GTF2IRD1: variants seen among roughly 807,000 people sequenced by gnomAD.
The protein encoded by GTF2IRD1 is GTF2I repeat domain containing 1, also known as general transcription factor II-I repeat domain-containing protein 1.
In GTF2IRD1, 26 loss-of-function variants were observed where a neutral mutation model predicts 113.2. That is an observed-to-expected ratio of 0.23 (90% confidence interval 0.17 to 0.32). GTF2IRD1 has a LOEUF of 0.32. GTF2IRD1 is among the 10% of genes least tolerant of loss of function. The pLI is 1.00. For synonymous variants in GTF2IRD1, 484 were observed against 529.1 expected (o/e 0.91, Z 1.17); for missense variants, 864 against 1,280.8 (o/e 0.67, Z 4.97).
chr7:74,565,323 G>A (rs138961432), intron 22 of GTF2IRD1, among the ~76,000 whole-genome samples: 3,689 of 152,094 alleles, frequency 0.024, 64 homozygotes, highest in Non-Finnish European at 0.036. Context: ...TCAGGAGTTC[G>A]AGACCAGCCT....
At chr7:74,461,500 G>A (rs1793359747) in intron 1 of GTF2IRD1, among the ~76,000 whole-genome samples, 1 of 152,182 alleles carries the variant, frequency 6.6e-6, no homozygotes, top group African/African-American at 2.4e-5. Flanking sequence ...CCTTGCAGAG[G>A]CGTCAGGCCT....
At chr7:74,502,456 C>T (rs1796081981) in intron 1 of GTF2IRD1, among the ~76,000 whole-genome samples, 1 of 152,236 alleles carries the variant, frequency 6.6e-6, no homozygotes, top group Non-Finnish European at 1.5e-5. Context: ...CTCTGCTAGC[C>T]TCCTAACTGG....
intron 22 of GTF2IRD1, among the ~76,000 whole-genome samples, chr7:74,566,328 C>G (rs1220997955): frequency 6.6e-6 from 1 of 152,172 alleles, no homozygotes; most frequent in African/African-American, 2.4e-5. Context: ...CCTCACACCA[C>G]AGACACCTAA....
At chr7:74,456,426 G>GGGC (rs1792979071) in intron 1 of GTF2IRD1, among the ~76,000 whole-genome samples, 1 of 152,194 alleles carries the variant, frequency 6.6e-6, no homozygotes, top group East Asian at 1.9e-4. Flanking sequence ...GCTCACGCCT[G>GGGC]TAATCCCAGC....
At chr7:74,597,495 A>C (rs1427177895) in intron 25 of GTF2IRD1, among the ~76,000 whole-genome samples, 1 of 150,756 alleles carries the variant, frequency 6.6e-6, no homozygotes, top group Admixed American at 6.6e-5. Context: ...TCAGGCATGC[A>C]CCACCACACC....
At chr7:74,543,563 GT>G (rs1452440958) in intron 14 of GTF2IRD1, among the ~76,000 whole-genome samples, 3 of 152,128 alleles carry the variant, frequency 2.0e-5, no homozygotes, top group Admixed American at 1.3e-4. Context: ...TGCTTTTTCT[GT>G]TTACACATAT....
intron 2 of GTF2IRD1, among the ~76,000 whole-genome samples, chr7:74,508,670 G>T (rs372342247): frequency 1.2e-4 from 17 of 145,916 alleles, no homozygotes; most frequent in East Asian, 9.3e-4. Context: ...CAGCCTGGGT[G>T]ACAGGGCAAG....
intron 1 of GTF2IRD1, among the ~76,000 whole-genome samples, chr7:74,501,661 TC>T (rs1327289061): frequency 2.0e-5 from 3 of 152,144 alleles, no homozygotes; most frequent in African/African-American, 7.2e-5. Flanking sequence ...TTTGGTTTTT[TC>T]TTTTTTCGAA....
intron 1 of GTF2IRD1, among the ~76,000 whole-genome samples, chr7:74,497,638 C>T (rs1022700626): frequency 6.6e-6 from 1 of 152,290 alleles, no homozygotes; most frequent in African/African-American, 2.4e-5. Context: ...ACCAGCAGCA[C>T]ACAGGGTTCC....
Position 74,512,236 on chromosome 7 carries a change from C to G in GTF2IRD1, c.124-594C>G, listed in dbSNP as rs1456016225. On this transcript the variant is annotated intron_variant, in intron 2 of 26. Transcript: ENST00000424337. This position sits in a 1 kb window ranked among gnomAD's most constrained non-coding sequence, Gnocchi z 4.4. The stretch of plus-strand genomic sequence containing the variant: ...GCGTGGTGGCGGGCGCCTGTAGTCC[C>G]AGCTACTCGGGAGGCTGAGGCAGGA... Among the ~76,000 whole-genome samples, 1 of 152,174 alleles carries G rather than the reference C, an allele frequency of 6.6e-6. No individual in the cohort carries two copies. Among genetic ancestry groups the G allele is most frequent in the Non-Finnish European group, 1.5e-5 (1 of 68,036 alleles).
At chr7:74,456,340 A>G (rs1210509768) in intron 1 of GTF2IRD1, among the ~76,000 whole-genome samples, 5 of 152,126 alleles carry the variant, frequency 3.3e-5, no homozygotes, top group Non-Finnish European at 7.3e-5. Context: ...GATGATTCTC[A>G]TTCAGGGTCT....
chr7:74,519,769 C>G, intron 6 of GTF2IRD1, 50 bp downstream of exon 6: 2 of 1,342,356 alleles, frequency 1.5e-6, no homozygotes, highest in Non-Finnish European at 2.1e-6. Context: ...ACAGAGGTCA[C>G]TCATGCAGGG....
At chr7:74,510,497 C>A (rs368039361) in intron 2 of GTF2IRD1, among the ~76,000 whole-genome samples, 1 of 151,012 alleles carries the variant, frequency 6.6e-6, no homozygotes, top group African/African-American at 2.4e-5. Context: ...TTAGTAGAGA[C>A]GGGGTTTCAC....
intron 22 of GTF2IRD1, among the ~76,000 whole-genome samples, chr7:74,584,183 C>T (rs758854721): frequency 6.6e-4 from 100 of 152,034 alleles, no homozygotes; most frequent in Non-Finnish European, 1.2e-3. Context: ...GGCCTGGGTA[C>T]GGTGGCTCAC....
At chr7:74,574,979 A>G (rs1296412219) in intron 22 of GTF2IRD1, among the ~76,000 whole-genome samples, 2 of 152,066 alleles carry the variant, frequency 1.3e-5, no homozygotes, top group Non-Finnish European at 2.9e-5. Flanking sequence ...AATCCCAGCT[A>G]CTTGGGAGGC....
rs61151844 is a variant in GTF2IRD1 at position 74,476,366 on chromosome 7, C to CTTTTTTTTTTTTTTT, written c.-7+22201_-7+22202insTTTTTTTTTTTTTTT. The stretch of plus-strand genomic sequence containing the variant: ...CCCGCTTGGAAGCCTTCTGAACCTC[C>CTTTTTTTTTTTTTTT]TTTTTTTTTTTCTTTTGAGACGGAG... On this transcript the variant is annotated intron_variant, in intron 1 of 26. Coordinates refer to ENST00000424337, the MANE Select transcript of GTF2IRD1 (RefSeq NM_005685.4). Among the ~76,000 whole-genome samples, 21 of 122,160 alleles carry CTTTTTTTTTTTTTTT rather than the reference C, an allele frequency of 1.7e-4. 3 individuals carry two copies. The highest frequency in any genetic ancestry group is 2.1e-4 in the Non-Finnish European group (13 of 62,128). The allele number at this position is 122,160 out of a possible 152,430, so 80.1% of individuals were successfully genotyped here. A position where few individuals can be genotyped will look rare whatever the true frequency, so the allele number is the denominator to read the frequency against.
chr7:74,479,003 A>C (rs1445390250), intron 1 of GTF2IRD1, among the ~76,000 whole-genome samples: 2 of 151,326 alleles, frequency 1.3e-5, no homozygotes, highest in African/African-American at 4.9e-5. Flanking sequence ...TGGTCATTCC[A>C]GGTGCCTCCC....
chr7:74,519,337 G>C, intron 5 of GTF2IRD1, 72 bp from the exon 6 acceptor site: 1 of 1,129,058 alleles, frequency 8.9e-7, no homozygotes. Flanking sequence ...GGGATGCGGG[G>C]TTTTCGGGGG....
chr7:74,534,012 G>C (rs1396269240), intron 9 of GTF2IRD1, among the ~76,000 whole-genome samples: 1 of 150,602 alleles, frequency 6.6e-6, no homozygotes, highest in African/African-American at 2.4e-5. Flanking sequence ...CTGGGTGATA[G>C]AGCAAGACCC....
Sources: gnomAD v4.1 joint callset for allele counts (sites outside exome capture counted in the v4.1 genomes callset) on GRCh38, gnomAD v4.1.1 for gene constraint, Gnocchi (gnomAD v3.1) non-coding constraint, MANE v1.5 for transcripts, NCBI Gene and HGNC (gene_info 2026-07-23, HGNC 2026-07-21) for gene names.